The following PRKACB variants were observed in gnomAD, a reference collection of about 807,000 sequenced individuals.
The protein encoded by PRKACB is protein kinase cAMP-activated catalytic subunit beta.
A neutral mutation model predicts 51.4 loss-of-function variants in PRKACB; 16 were observed. The ratio of observed to expected loss-of-function variants is 0.31; its 90% CI spans 0.21 to 0.47. The LOEUF is 0.47. PRKACB is among the 20% of genes least tolerant of loss of function. PRKACB has a pLI of 1.00. For missense variants in PRKACB, 309 were observed against 464.5 expected, an observed-to-expected ratio of 0.67 and a Z score of 3.08; for synonymous variants, 147 against 154.4, an observed-to-expected ratio of 0.95 and a Z score of 0.35.
rs116667725 is a variant in PRKACB, at chr1:84,106,346, A to G, written c.46+27975A>G. 3.8e-3 allele frequency among the ~76,000 whole-genome samples: 574 copies of G among 152,300 alleles called. 3 individuals are homozygous for G. The highest frequency in any genetic ancestry group is 0.012 in the African/African-American group (514 of 41,584). On this transcript the variant is annotated intron_variant, in intron 1 of 8. Transcript: ENST00000370688. ...CCCTGTTTGCAGATGACATGATTCT[A>G]TATCTAGAAAACTCCATAGTCTGCC...
Position 84,127,978 on chromosome 1 carries a change from T to C in PRKACB, c.46+49607T>C, listed in dbSNP as rs573870139. Among the ~76,000 whole-genome samples the C allele has an allele frequency of 3.0e-4, 46 of 151,406 alleles. No homozygotes were observed. In the South Asian group the frequency reaches 9.5e-3, roughly 31 times the overall value. ...ATTCCTCAGATTCCAGTCTATTCTTTGTTAGAATTATTTCTTTTCTTTTTT... is the reference window on the plus strand; with the variant it reads ...ATTCCTCAGATTCCAGTCTATTCTTCGTTAGAATTATTTCTTTTCTTTTTT... On this transcript the variant is annotated intron_variant, in intron 1 of 8. Transcript: ENST00000370688.
At chr1:84,103,376 T>C (rs1260130030) in intron 1 of PRKACB, among the ~76,000 whole-genome samples, 1 of 148,008 alleles carries the variant, frequency 6.8e-6, no homozygotes, top group African/African-American at 2.5e-5. Flanking sequence ...ACCAACATGC[T>C]GTTCAAAGCC....
chr1:84,198,771 C>T (rs1668918198), intron 7 of PRKACB, among the ~76,000 whole-genome samples: 1 of 149,564 alleles, frequency 6.7e-6, no homozygotes, highest in Non-Finnish European at 1.5e-5. Flanking sequence ...CAAAAAAAAA[C>T]CTATATGTAA....
intron 1 of PRKACB, among the ~76,000 whole-genome samples, chr1:84,120,259 A>G (rs1432156364): frequency 1.3e-5 from 2 of 152,018 alleles, no homozygotes; most frequent in African/African-American, 4.8e-5. Context: ...GAAGTAGAAA[A>G]TTTTCAAATG....
intron 5 of PRKACB, among the ~76,000 whole-genome samples, chr1:84,185,949 C>T (rs1268714517): frequency 1.3e-5 from 2 of 152,204 alleles, no homozygotes; most frequent in East Asian, 1.9e-4. Context: ...TATACACAGA[C>T]TAGGTGGTCT....
chr1:84,140,421 A>G (rs369684643), upstream of PRKACB, among the ~76,000 whole-genome samples: 103 of 152,364 alleles, frequency 6.8e-4, no homozygotes, highest in African/African-American at 2.3e-3. Context: ...GTCCACTTAT[A>G]TATAACATTC....
chr1:84,210,638 T>C (rs1671987717), intron 8 of PRKACB, among the ~76,000 whole-genome samples: 1 of 152,186 alleles, frequency 6.6e-6, no homozygotes, highest in African/African-American at 2.4e-5. Context: ...TTTCACTTTC[T>C]ATAGTAGTTA....
chr1:84,135,974 AAAAT>A (rs1652765049), intron 1 of PRKACB, among the ~76,000 whole-genome samples: 4 of 152,214 alleles, frequency 2.6e-5, no homozygotes, highest in South Asian at 2.1e-4. Context: ...TTATTTGAAA[AAAAT>A]AAATAAAATT....
chr1:84,181,371 T>A (rs1308765904), intron 2 of PRKACB, among the ~76,000 whole-genome samples: 1 of 152,032 alleles, frequency 6.6e-6, no homozygotes, highest in Non-Finnish European at 1.5e-5. Flanking sequence ...TTACTACTTC[T>A]TGCCATTTAA....
At chr1:84,215,081 G>T (rs776321214) in intron 9 of PRKACB, among the ~76,000 whole-genome samples, 10 of 151,998 alleles carry the variant, frequency 6.6e-5, no homozygotes, top group African/African-American at 4.8e-5. Flanking sequence ...GTGGCATATT[G>T]GTCTCTCTTT....
intron 8 of PRKACB, among the ~76,000 whole-genome samples, chr1:84,211,686 C>A (rs1026592854): frequency 3.9e-5 from 6 of 152,040 alleles, no homozygotes; most frequent in Non-Finnish European, 5.9e-5. Flanking sequence ...GGAATTACAC[C>A]TTTACTATTT....
At chr1:84,163,739 G>C in intron 1 of PRKACB, among the ~76,000 whole-genome samples, 1 of 152,034 alleles carries the variant, frequency 6.6e-6, no homozygotes, top group East Asian at 1.9e-4. Flanking sequence ...TGATAATTCT[G>C]TTCAGCTTCA....
chr1:84,189,666 A>G (rs1666177283), intron 5 of PRKACB, among the ~76,000 whole-genome samples: 1 of 151,968 alleles, frequency 6.6e-6, no homozygotes, highest in African/African-American at 2.4e-5. Context: ...ACTATTTTTA[A>G]TGAAGAGGAC....
At chr1:84,110,781 G>A (rs778064223) in intron 1 of PRKACB, among the ~76,000 whole-genome samples, 2 of 151,900 alleles carry the variant, frequency 1.3e-5, no homozygotes, top group Non-Finnish European at 2.9e-5. Flanking sequence ...AATTTTTGCT[G>A]GATATGAACC....
chr1:84,187,264 A>G (rs1665410225), intron 5 of PRKACB, among the ~76,000 whole-genome samples: 2 of 152,160 alleles, frequency 1.3e-5, no homozygotes, highest in African/African-American at 2.4e-5. Flanking sequence ...GAATTTCTTA[A>G]GTCAGGCTTT....
intron 1 of PRKACB, among the ~76,000 whole-genome samples, chr1:84,080,044 T>G (rs1647402970): frequency 6.6e-6 from 1 of 152,192 alleles, no homozygotes; most frequent in Admixed American, 6.5e-5. Flanking sequence ...GTATAAAGAA[T>G]TATTTTTACC....
intron 1 of PRKACB, among the ~76,000 whole-genome samples, chr1:84,146,547 T>C (rs942467577): frequency 1.5e-4 from 23 of 152,020 alleles, no homozygotes; most frequent in African/African-American, 5.3e-4. Flanking sequence ...AAGTTTCATA[T>C]GAACCACATT....
chr1:84,144,841 A>G (rs150855988), intron 1 of PRKACB, among the ~76,000 whole-genome samples: 72 of 152,252 alleles, frequency 4.7e-4, no homozygotes, highest in African/African-American at 1.7e-3. Flanking sequence ...GTTCTTACAT[A>G]AAAATGAAAT....
At chr1:84,134,906 A>G (rs1652640406) in intron 1 of PRKACB, among the ~76,000 whole-genome samples, 1 of 152,158 alleles carries the variant, frequency 6.6e-6, no homozygotes, top group Non-Finnish European at 1.5e-5. Flanking sequence ...TGTTGTTACT[A>G]TTGTTACTTT....
Sources: allele counts gnomAD v4.1 joint callset (sites outside exome capture counted in the v4.1 genomes callset), GRCh38; gene constraint gnomAD v4.1.1; transcripts MANE v1.5; gene names NCBI Gene and HGNC (gene_info 2026-07-23, HGNC 2026-07-21).